The following ANKMY2 variants were observed in gnomAD, a reference collection of about 807,000 sequenced individuals.
ANKMY2 encodes the protein ankyrin repeat and MYND domain containing 2.
A neutral mutation model predicts 50.4 loss-of-function variants in ANKMY2; 36 were observed. The ratio of observed to expected loss-of-function variants is 0.71; its 90% confidence interval spans 0.55 to 0.94. The LOEUF (loss-of-function observed/expected upper bound fraction) is 0.94. Among genes scored for constraint, ANKMY2 ranks in the 40% least tolerant of loss-of-function variants. ANKMY2 has a pLI of 0.00. For synonymous variants in ANKMY2, 187 were observed against 178.8 expected, an observed-to-expected ratio of 1.05 and a Z score of -0.36; for missense variants, 565 against 524.0, an observed-to-expected ratio of 1.08 and a Z score of -0.76.
rs983556485 is a variant in ANKMY2, at chr7:16,600,517, A to G, written c.*244T>C. 8.9e-6 allele frequency: 3 copies of G among 336,888 alleles called. No individual in the cohort carries two copies. The highest frequency in any genetic ancestry group is 6.3e-5 in the African/African-American group (3 of 47,248). The allele number at this position is 336,888 out of a possible 1,614,324, so 20.9% of individuals were successfully genotyped here. ...AAGCCAGCCTCAGAAAGGTAATAGGAATGTTTTTCCTGTATTTTGAAACAA... is the reference window on the plus strand; with the variant it reads ...AAGCCAGCCTCAGAAAGGTAATAGGGATGTTTTTCCTGTATTTTGAAACAA... On this transcript the variant is annotated 3_prime_UTR_variant, in exon 10 of 10. Coordinates refer to ENST00000306999, the MANE Select transcript of ANKMY2 (RefSeq NM_020319.3).
intron 1 of ANKMY2, among the ~76,000 whole-genome samples, chr7:16,642,691 T>A (rs1178280302): frequency 6.7e-6 from 1 of 150,364 alleles, no homozygotes; most frequent in Non-Finnish European, 1.5e-5. Context: ...TTAAAAAAAA[T>A]GCCTCTTTTT....
Position 16,599,993 on chromosome 7 carries a change from A to G in ANKMY2, c.*768T>C, listed in dbSNP as rs1306025676. On this transcript the variant is annotated 3_prime_UTR_variant, in exon 10 of 10. Transcript: ENST00000306999. ...GATAACTCAGGCTTTCAGGTGGAGT[A>G]TGGCACGTGAATTAGCCTTACAGTA... 6.6e-6 allele frequency: 1 copy of G among 152,226 alleles called. No individual in the cohort carries two copies. The highest frequency in any genetic ancestry group is 1.5e-5 in the Non-Finnish European group (1 of 68,048). 9.4% of individuals were successfully genotyped at this position (152,226 alleles called of 1,614,324 possible). A position where few individuals can be genotyped will look rare whatever the true frequency, so the allele number is the denominator to read the frequency against.
intron 1 of ANKMY2, among the ~76,000 whole-genome samples, chr7:16,640,842 T>C (rs1375242938): frequency 6.6e-6 from 1 of 152,144 alleles, no homozygotes; most frequent in African/African-American, 2.4e-5. Flanking sequence ...TTGCAATCAT[T>C]ATTTATTGGA....
chr7:16,644,835 C>A (rs1472139663), intron 1 of ANKMY2: 1 of 402,910 alleles, frequency 2.5e-6, no homozygotes, highest in Non-Finnish European at 5.0e-6. Context: ...GACAAGAAAG[C>A]GCGAAGGAGC....
chr7:16,611,462 T>C (rs567178147), intron 5 of ANKMY2, among the ~76,000 whole-genome samples: 5 of 152,222 alleles, frequency 3.3e-5, no homozygotes, highest in Admixed American at 6.5e-5. Flanking sequence ...TAATATGGAG[T>C]ATTTTTGTAT....
intron 6 of ANKMY2, 88 bp from the exon 7 acceptor site, chr7:16,609,853 T>G: frequency 1.4e-6 from 2 of 1,455,462 alleles, no homozygotes; most frequent in South Asian, 2.5e-5. Context: ...TAGTTTCTTC[T>G]GTTACTTATG....
At position 16,613,487 on chromosome 7, in the gene ANKMY2, T is replaced by C. The variant is rs567251313; in HGVS notation, c.531+2257A>G. Among the ~76,000 whole-genome samples the C allele has an allele frequency of 3.9e-5, 6 of 152,268 alleles. 1 individual carries two copies. The South Asian group carries it at 8.3e-4, about 21-fold the overall frequency. On this transcript the variant is annotated intron_variant, in intron 5 of 9. Coordinates refer to ENST00000306999, the MANE Select transcript of ANKMY2 (RefSeq NM_020319.3). Reference sequence around the variant, plus strand: ...AGGTTTCGAGCGAATAGATTGTTTATACCTACAAAAAGCAAGGTCTGGTCT... The same window carrying C: ...AGGTTTCGAGCGAATAGATTGTTTACACCTACAAAAAGCAAGGTCTGGTCT...
intron 3 of ANKMY2, 129 bp downstream of exon 3, chr7:16,626,911 G>T: frequency 2.8e-6 from 2 of 706,220 alleles, no homozygotes; most frequent in Non-Finnish European, 4.1e-6. Flanking sequence ...AAAACCAATT[G>T]CCATCATTCC....
chr7:16,632,222 G>A (rs1393021199), intron 2 of ANKMY2, among the ~76,000 whole-genome samples: 1 of 149,746 alleles, frequency 6.7e-6, no homozygotes, highest in African/African-American at 2.5e-5. Flanking sequence ...AATTTTTACT[G>A]TTTTTTCTTT....
chr7:16,638,264 G>A (rs370967246), intron 1 of ANKMY2, among the ~76,000 whole-genome samples: 5 of 152,170 alleles, frequency 3.3e-5, no homozygotes, highest in African/African-American at 7.2e-5. Context: ...CCACAAGACC[G>A]TCCCCACTTC....
intron 4 of ANKMY2, among the ~76,000 whole-genome samples, chr7:16,621,043 C>G (rs558960354): frequency 1.3e-5 from 2 of 152,254 alleles, no homozygotes; most frequent in South Asian, 4.1e-4. Flanking sequence ...TTTCTTCTTA[C>G]TTGGCCCGAA....
At chr7:16,637,674 C>G (rs1357382616) in intron 1 of ANKMY2, among the ~76,000 whole-genome samples, 1 of 152,200 alleles carries the variant, frequency 6.6e-6, no homozygotes, top group Non-Finnish European at 1.5e-5. Context: ...TACATGAAAC[C>G]TTATTCGTAT....
At chr7:16,623,693 C>G (rs966466864) in intron 4 of ANKMY2, among the ~76,000 whole-genome samples, 1 of 152,214 alleles carries the variant, frequency 6.6e-6, no homozygotes, top group Admixed American at 6.5e-5. Context: ...TGTTCTTTCC[C>G]CCTGCAGTGA....
intron 1 of ANKMY2, 104 bp from the exon 2 acceptor site, chr7:16,636,559 A>C: frequency 1.2e-6 from 1 of 801,634 alleles, no homozygotes; most frequent in Non-Finnish European, 2.0e-6. Flanking sequence ...GTAAGAGTAC[A>C]TCTAGTCAGT....
At chr7:16,611,631 T>C (rs925467997) in intron 5 of ANKMY2, among the ~76,000 whole-genome samples, 30 of 152,118 alleles carry the variant, frequency 2.0e-4, no homozygotes, top group African/African-American at 7.0e-4. Flanking sequence ...AAGCCCCACT[T>C]CCAAGCCAAA....
chr7:16,619,036 A>G (rs764802152), intron 4 of ANKMY2, among the ~76,000 whole-genome samples: 2 of 152,240 alleles, frequency 1.3e-5, no homozygotes, highest in Non-Finnish European at 2.9e-5. Context: ...GTATCTTCTC[A>G]TCAGTCCTCC....
intron 1 of ANKMY2, among the ~76,000 whole-genome samples, chr7:16,643,633 C>A (rs1200961709): frequency 6.6e-6 from 1 of 151,948 alleles, no homozygotes; most frequent in Non-Finnish European, 1.5e-5. Flanking sequence ...AAAATAAATA[C>A]TGATGGACAC....
chr7:16,618,899 T>A (rs776098912), intron 4 of ANKMY2, among the ~76,000 whole-genome samples: 2 of 146,394 alleles, frequency 1.4e-5, no homozygotes, highest in African/African-American at 2.5e-5. Context: ...CCAGCTTCAA[T>A]AAAAAGATAG....
intron 8 of ANKMY2, among the ~76,000 whole-genome samples, chr7:16,604,504 A>G (rs1781121154): frequency 6.6e-6 from 1 of 152,252 alleles, no homozygotes; most frequent in Non-Finnish European, 1.5e-5. Context: ...GAGGCAAAGG[A>G]AGACTGGCAG....
Sources: gnomAD v4.1 joint callset for allele counts (sites outside exome capture counted in the v4.1 genomes callset) on GRCh38, gnomAD v4.1.1 for gene constraint, MANE v1.5 for transcripts, NCBI Gene and HGNC (gene_info 2026-07-23, HGNC 2026-07-21) for gene names.